GCSAML: variants seen among roughly 807,000 people sequenced by gnomAD.
GCSAML encodes germinal center associated signaling and motility like.
Under a neutral mutation model 13.0 loss-of-function variants are expected in GCSAML, and 9 were observed. The observed-to-expected ratio is 0.69, with a 90% CI of 0.42 to 1.21. GCSAML has a LOEUF of 1.21. GCSAML is among the 50% of genes most tolerant of loss of function. The probability of loss-of-function intolerance (pLI) is 0.00; values close to 1 mark genes in which losing one functional copy is unlikely to be tolerated. For missense variants in GCSAML, 143 were observed against 153.4 expected, an observed-to-expected ratio of 0.93 and a Z score of 0.36; for synonymous variants, 37 against 52.9, an observed-to-expected ratio of 0.70 and a Z score of 1.31.
chr1:247,530,373 A>G (rs771851686), intron 2 of GCSAML: 2 of 152,100 alleles, frequency 1.3e-5, no homozygotes, highest in African/African-American at 4.8e-5. Context: ...CTTTAGATAC[A>G]CTGTATACAT....
intron 2 of GCSAML, among the ~76,000 whole-genome samples, chr1:247,535,542 A>G (rs1217152736): frequency 6.6e-6 from 1 of 152,234 alleles, no homozygotes; most frequent in Non-Finnish European, 1.5e-5. Flanking sequence ...GGGTGTAAGT[A>G]TATCCCATCT....
intron 2 of GCSAML, chr1:247,531,572 C>T (rs1227626352): frequency 1.2e-6 from 2 of 1,613,784 alleles, no homozygotes; most frequent in South Asian, 1.1e-5. Context: ...AGCTTGCCTG[C>T]AGAGCCACAG....
chr1:247,573,461 C>T (rs1668708942), intron 4 of GCSAML, among the ~76,000 whole-genome samples: 1 of 152,156 alleles, frequency 6.6e-6, no homozygotes, highest in African/African-American at 2.4e-5. Flanking sequence ...CAATCCCTTG[C>T]ACTTCCTGTG....
chr1:247,517,928 T>C lies in GCSAML; in HGVS notation c.-262-9012T>C, dbSNP rs562913475. 4.7e-3 allele frequency among the ~76,000 whole-genome samples: 714 copies of C among 152,306 alleles called. 8 individuals carry two copies. The highest frequency in any genetic ancestry group is 3.0e-3 in the Non-Finnish European group (204 of 68,024). On this transcript the variant is annotated intron_variant, in intron 1 of 5. Transcript: ENST00000366489. ...GCTGGGGTTCTGGAGAGGCCAAAGCTGGAGACGGTCCCGTTTGTGGTCAGC... is the reference window on the plus strand; with the variant it reads ...GCTGGGGTTCTGGAGAGGCCAAAGCCGGAGACGGTCCCGTTTGTGGTCAGC...
At chr1:247,563,939 A>AT (rs1042478471) in intron 3 of GCSAML, among the ~76,000 whole-genome samples, 3,067 of 147,918 alleles carry the variant, frequency 0.021, 97 homozygotes, top group African/African-American at 0.071. Flanking sequence ...TAAGAAGTGT[A>AT]TTTTTTTTTT....
At chr1:247,563,006 A>T (rs1316058878) in intron 2 of GCSAML, among the ~76,000 whole-genome samples, 7 of 134,654 alleles carry the variant, frequency 5.2e-5, no homozygotes, top group Admixed American at 1.5e-4. Context: ...TACCCAGCTC[A>T]TTTTTTTTTT....
chr1:247,569,981 A>G (rs1437628378), intron 4 of GCSAML, among the ~76,000 whole-genome samples: 2 of 152,106 alleles, frequency 1.3e-5, no homozygotes, highest in Admixed American at 1.3e-4. Context: ...TAGATTTTCT[A>G]GTTTATTTGT....
chr1:247,522,325 C>T (rs1202265679), intron 1 of GCSAML, among the ~76,000 whole-genome samples: 7 of 147,540 alleles, frequency 4.7e-5, no homozygotes, highest in Admixed American at 2.7e-4. Context: ...GCCGCCGCCC[C>T]GTCTGGGAGG....
chr1:247,510,161 T>TTAC (rs1415488730), intron 1 of GCSAML, among the ~76,000 whole-genome samples: 3 of 152,238 alleles, frequency 2.0e-5, no homozygotes, highest in Admixed American at 1.3e-4. Flanking sequence ...AGGCCATTAA[T>TTAC]TACTGCCTCA....
chr1:247,558,413 G>T (rs1454012435), intron 2 of GCSAML, among the ~76,000 whole-genome samples: 1 of 152,112 alleles, frequency 6.6e-6, no homozygotes, highest in African/African-American at 2.4e-5. Context: ...GCTTATAGAG[G>T]TATAGTACAG....
intron 1 of GCSAML, chr1:247,519,221 C>T (rs1666332130): frequency 6.6e-6 from 1 of 152,170 alleles, no homozygotes; most frequent in Non-Finnish European, 1.5e-5. Flanking sequence ...CAAAAGAGTT[C>T]ATTGCAAGAG....
At chr1:247,529,576 G>A (rs1666824607) in intron 2 of GCSAML, 2 of 152,176 alleles carry the variant, frequency 1.3e-5, no homozygotes, top group South Asian at 2.1e-4. Context: ...CGTACATGAT[G>A]CATAATAATC....
intron 1 of GCSAML, among the ~76,000 whole-genome samples, chr1:247,514,209 G>A (rs1297184001): frequency 2.0e-5 from 3 of 152,138 alleles, no homozygotes; most frequent in Non-Finnish European, 4.4e-5. Context: ...CGGATCTCTT[G>A]ACCTCATGAT....
chr1:247,562,961 T>C (rs1668190405), intron 2 of GCSAML, among the ~76,000 whole-genome samples: 1 of 151,306 alleles, frequency 6.6e-6, no homozygotes, highest in Non-Finnish European at 1.5e-5. Context: ...TGCCTCAGCC[T>C]CCCGAGTAGT....
chr1:247,531,507 C>T, intron 2 of GCSAML: 1 of 1,576,778 alleles, frequency 6.3e-7, no homozygotes, highest in Non-Finnish European at 8.6e-7. Flanking sequence ...TCACTTTGCT[C>T]GATGTAAACT....
At chr1:247,519,407 GGTGA>G (rs1421683941) in intron 1 of GCSAML, 7 of 152,224 alleles carry the variant, frequency 4.6e-5, no homozygotes, top group African/African-American at 1.7e-4. Flanking sequence ...GTGTGTCTGT[GGTGA>G]GTGTTTTCTG....
At chr1:247,530,019 T>TTC (rs1337714242) in intron 2 of GCSAML, 1 of 151,170 alleles carries the variant, frequency 6.6e-6, no homozygotes, top group African/African-American at 2.4e-5. Context: ...TCACTCTTTT[T>TTC]TCTCTCTCTC....
rs534928218 is a variant in GCSAML, at chr1:247,515,123, A to G, written c.-263+7890A>G. Among the ~76,000 whole-genome samples the G allele has an allele frequency of 1.2e-4, 19 of 152,222 alleles. 1 individual carries two copies. The highest frequency in any genetic ancestry group is 1.2e-3 in the Admixed American group (18 of 15,290). On this transcript the variant is annotated intron_variant, in intron 1 of 5. Transcript: ENST00000366489. ...GATGTGTTTCCATTTGTTTGTGTCA[A>G]TGTCATTATTTTTAAAATGCTGCCA...
At chr1:247,521,113 A>ATTT (rs68098651) in intron 1 of GCSAML, among the ~76,000 whole-genome samples, 3 of 136,904 alleles carry the variant, frequency 2.2e-5, no homozygotes, top group African/African-American at 8.1e-5. Flanking sequence ...ACATTCTTGC[A>ATTT]TTTTTTTTTT....
Sources: allele counts gnomAD v4.1 joint callset (sites outside exome capture counted in the v4.1 genomes callset), GRCh38; gene constraint gnomAD v4.1.1; transcripts MANE v1.5; gene names NCBI Gene and HGNC (gene_info 2026-07-23, HGNC 2026-07-21).